The following CPNE4 variants were observed in gnomAD, a reference collection of about 807,000 sequenced individuals.
CPNE4 encodes the protein copine-4.
A neutral mutation model predicts 67.9 loss-of-function variants in CPNE4; 25 were observed. The observed-to-expected ratio is 0.37, with a 90% confidence interval of 0.27 to 0.51. The LOEUF is 0.51. Among genes scored for constraint, CPNE4 ranks in the 20% least tolerant of loss-of-function variants. The pLI, the probability that CPNE4 is intolerant of heterozygous loss-of-function variation, is 0.93. For synonymous variants in CPNE4, 242 were observed against 244.9 expected (o/e 0.99, Z 0.11); for missense variants, 464 against 690.8 (o/e 0.67, Z 3.68).
At position 131,768,998 on chromosome 3, in the gene CPNE4, C is replaced by T. The variant is rs151249849; in HGVS notation, c.181-45373G>A. ...ATTATATTATAATCCACATCTGGCACGAGGATGTGAAGTTACAACAAATGT... is the reference window on the plus strand; with the variant it reads ...ATTATATTATAATCCACATCTGGCATGAGGATGTGAAGTTACAACAAATGT... On this transcript the variant is annotated intron_variant, in intron 2 of 15. Coordinates refer to ENST00000429747, the MANE Select transcript of CPNE4 (RefSeq NM_130808.3). 2.8e-3 allele frequency among the ~76,000 whole-genome samples: 426 copies of T among 152,284 alleles called. 1 individual carries two copies. The highest frequency in any genetic ancestry group is 9.5e-3 in the African/African-American group (395 of 41,578).
chr3:131,635,713 CA>C lies in CPNE4; in HGVS notation c.681+33961del, dbSNP rs201889477. 5.4e-3 allele frequency among the ~76,000 whole-genome samples: 824 copies of C among 152,216 alleles called. 6 individuals are homozygous for C. Among genetic ancestry groups the C allele is most frequent in the African/African-American group, 0.019 (778 of 41,520 alleles). ...TCTAATATCCTGCATACAGACCAAA[CA>C]GGGGAGAGGGATGAAGATGGCAGAC... is the stretch of plus-strand genomic sequence containing the variant. On this transcript the variant is annotated intron_variant, in intron 7 of 15. Transcript: ENST00000429747.
At chr3:131,839,583 A>T (rs913606298) in intron 2 of CPNE4, among the ~76,000 whole-genome samples, 2 of 151,942 alleles carry the variant, frequency 1.3e-5, no homozygotes, top group African/African-American at 4.8e-5. Context: ...TATTTTATGC[A>T]CATATATTCA....
chr3:131,627,350 C>T (rs2079105537), intron 7 of CPNE4, among the ~76,000 whole-genome samples: 1 of 152,118 alleles, frequency 6.6e-6, no homozygotes, highest in Admixed American at 6.5e-5. Context: ...CTGTGAGACC[C>T]ATTGCTCAGA....
At chr3:131,839,154 T>C (rs553908025) in intron 2 of CPNE4, among the ~76,000 whole-genome samples, 1 of 152,046 alleles carries the variant, frequency 6.6e-6, no homozygotes, top group South Asian at 2.1e-4. Flanking sequence ...ACAAGAATTG[T>C]GTGCAATGCT....
chr3:131,861,599 T>A (rs2086690252), intron 2 of CPNE4, among the ~76,000 whole-genome samples: 1 of 151,934 alleles, frequency 6.6e-6, no homozygotes, highest in Non-Finnish European at 1.5e-5. Context: ...CTCGGCTAAT[T>A]TTTTTGTATT....
chr3:131,844,892 T>C lies in CPNE4; in HGVS notation c.180+60372A>G, dbSNP rs192948107. Among the ~76,000 whole-genome samples the C allele has an allele frequency of 1.6e-3, 237 of 152,324 alleles. 2 individuals carry two copies. The highest frequency in any genetic ancestry group is 2.1e-3 in the Non-Finnish European group (144 of 68,028). ...GGCTCCTACATGACACGTAAGCATA[T>C]TATGTACACTACGCAAGATAATACT... On this transcript the variant is annotated intron_variant, in intron 2 of 15. Transcript: ENST00000429747.
At chr3:132,038,226 A>C (rs2107711754), upstream of CPNE4, among the ~76,000 whole-genome samples, 1 of 152,242 alleles carries the variant, frequency 6.6e-6, no homozygotes, top group Middle Eastern at 3.4e-3. Flanking sequence ...ATTACTGGAA[A>C]GCAGAAAGGA....
chr3:131,970,835 T>C (rs2072481378), intron 1 of CPNE4, among the ~76,000 whole-genome samples: 1 of 152,218 alleles, frequency 6.6e-6, no homozygotes, highest in Non-Finnish European at 1.5e-5. Flanking sequence ...TTAATGTAGA[T>C]ATAGAATGAA....
intron 3 of CPNE4, among the ~76,000 whole-genome samples, chr3:131,705,586 G>A (rs1370564474): frequency 3.9e-5 from 6 of 152,188 alleles, no homozygotes; most frequent in African/African-American, 1.2e-4. Context: ...AAAGGGTGAT[G>A]TGCATGTGTG....
intron 2 of CPNE4, among the ~76,000 whole-genome samples, chr3:131,864,338 T>G (rs368674278): frequency 7.9e-5 from 12 of 152,202 alleles, no homozygotes; most frequent in South Asian, 6.2e-4. Flanking sequence ...CTACCCATGA[T>G]CATGGAATGT....
At chr3:131,798,255 T>C (rs1017943041) in intron 2 of CPNE4, among the ~76,000 whole-genome samples, 1 of 152,124 alleles carries the variant, frequency 6.6e-6, no homozygotes, top group Non-Finnish European at 1.5e-5. Flanking sequence ...TGCTCTATCA[T>C]TGAACCTGTG....
chr3:132,030,590 G>C (rs996737707), intron 1 of CPNE4, among the ~76,000 whole-genome samples: 1 of 152,134 alleles, frequency 6.6e-6, no homozygotes, highest in South Asian at 2.1e-4. Flanking sequence ...TCTTATTTTT[G>C]AGACTTGCCT....
chr3:131,673,712 GT>G (rs1456515485), intron 6 of CPNE4, among the ~76,000 whole-genome samples: 1 of 151,968 alleles, frequency 6.6e-6, no homozygotes, highest in Middle Eastern at 3.2e-3. Context: ...CAGTTTTCTT[GT>G]AGAGTCTTTA....
intron 6 of CPNE4, among the ~76,000 whole-genome samples, chr3:131,673,052 C>T (rs1341349983): frequency 6.6e-6 from 1 of 152,088 alleles, no homozygotes; most frequent in Non-Finnish European, 1.5e-5. Context: ...CATTCTTCCA[C>T]ATATTGATAT....
rs1041895258 is a variant in CPNE4, at chr3:131,921,430, G to A, written c.-1-15986C>T. Among the ~76,000 whole-genome samples the A allele has an allele frequency of 2.0e-5, 3 of 152,184 alleles. No individual in the cohort carries two copies. In the South Asian group the frequency reaches 6.2e-4, roughly 32 times the overall value. The stretch of plus-strand genomic sequence containing the variant: ...AGCGCCTACCATATGCCCAATACTT[G>A]ATCGTGTGCCATGAGGAGCTCTGAA... On this transcript the variant is annotated intron_variant, in intron 1 of 15. Coordinates refer to ENST00000429747, the MANE Select transcript of CPNE4 (RefSeq NM_130808.3).
chr3:131,908,826 C>T (rs990085290), intron 1 of CPNE4, among the ~76,000 whole-genome samples: 2 of 152,108 alleles, frequency 1.3e-5, no homozygotes, highest in African/African-American at 4.8e-5. Flanking sequence ...ACCATGTATC[C>T]TTGGGCAGGG....
chr3:131,847,101 T>C (rs1393154698), intron 2 of CPNE4, among the ~76,000 whole-genome samples: 1 of 152,164 alleles, frequency 6.6e-6, no homozygotes, highest in African/African-American at 2.4e-5. Flanking sequence ...CTCTCTCAAG[T>C]GTAATGTCAT....
intron 2 of CPNE4, among the ~76,000 whole-genome samples, chr3:131,832,914 C>G (rs951063231): frequency 1.3e-5 from 2 of 152,128 alleles, no homozygotes; most frequent in African/African-American, 4.8e-5. Flanking sequence ...CTGCTATAGA[C>G]TGTTACGCTC....
intron 2 of CPNE4, among the ~76,000 whole-genome samples, chr3:131,784,523 T>C (rs2083504982): frequency 6.6e-6 from 1 of 152,014 alleles, no homozygotes; most frequent in Non-Finnish European, 1.5e-5. Flanking sequence ...GGGTGAATTA[T>C]CACATTGAGG....
Sources: allele counts gnomAD v4.1 joint callset (sites outside exome capture counted in the v4.1 genomes callset), GRCh38; gene constraint gnomAD v4.1.1; transcripts MANE v1.5; gene names NCBI Gene and HGNC (gene_info 2026-07-23, HGNC 2026-07-21).